ABCC4: variants seen among roughly 807,000 people sequenced by gnomAD.
ABCC4 encodes ATP binding cassette subfamily C member 4 (PEL blood group), also known as ATP-binding cassette sub-family C member 4.
A neutral mutation model predicts 168.5 loss-of-function variants in ABCC4; 102 were observed. The ratio of observed to expected loss-of-function variants is 0.61; its 90% CI spans 0.52 to 0.71. The LOEUF is 0.71. Among genes scored for constraint, ABCC4 ranks in the 30% least tolerant of loss-of-function variants. The probability of loss-of-function intolerance (pLI) is 0.00; values close to 1 mark genes in which losing one functional copy is unlikely to be tolerated. For synonymous variants in ABCC4, 617 were observed against 590.7 expected (o/e 1.04, Z -0.65); for missense variants, 1,402 against 1,605.8 (o/e 0.87, Z 2.17).
intron 1 of ABCC4, among the ~76,000 whole-genome samples, chr13:95,279,756 C>T (rs9524879): frequency 0.099 from 15,026 of 151,978 alleles, 888 homozygotes; most frequent in African/African-American, 0.14. Flanking sequence ...GGGTAGAAAA[C>T]AGAGACTGTC....
intron 1 of ABCC4, among the ~76,000 whole-genome samples, chr13:95,264,853 T>G (rs1283759524): frequency 4.8e-5 from 7 of 145,956 alleles, no homozygotes; most frequent in African/African-American, 1.5e-4. Flanking sequence ...GGGCCTCAGA[T>G]CTACAATCCA....
intron 27 of ABCC4, among the ~76,000 whole-genome samples, chr13:95,047,008 T>C (rs1414682280): frequency 6.6e-6 from 1 of 152,202 alleles, no homozygotes; most frequent in Non-Finnish European, 1.5e-5. Context: ...GAGGTACACA[T>C]ACATATTTAA....
Position 95,209,597 on chromosome 13 carries a change from C to T in ABCC4, c.622G>A (p.Val208Met). ...LSNDVNKFDQ[V>M]TVFLHFLWAG... The stretch of plus-strand genomic sequence containing the variant: ...CACAGGAAGTGTAAGAACACTGTCA[C>T]CTTTAAAGAAAAAGACAGAGCGTTC... The change falls in exon 6 of 31, where the codon GTG becomes ATG. Residue 208 changes from valine to methionine, a missense_variant and splice_region_variant. Around this residue, in one of 3 missense-constraint regions of ABCC4, gnomAD observed 317 missense variants for 345.5 expected, o/e 0.92. Transcript: ENST00000645237. The T allele has an allele frequency of 1.9e-6, 3 of 1,609,166 alleles. No homozygotes were observed. The highest frequency in any genetic ancestry group is 2.5e-6 in the Non-Finnish European group (3 of 1,177,678).
chr13:95,232,248 T>C (rs142935902), intron 4 of ABCC4, among the ~76,000 whole-genome samples: 20 of 152,184 alleles, frequency 1.3e-4, no homozygotes, highest in African/African-American at 4.8e-4. Context: ...TGTTATACTG[T>C]ACCATAGACA....
chr13:95,219,469 T>C (rs1303002687), intron 4 of ABCC4, among the ~76,000 whole-genome samples: 4 of 152,110 alleles, frequency 2.6e-5, no homozygotes, highest in Admixed American at 2.6e-4. Context: ...ATAAATGCAG[T>C]ATACCCCCAT....
chr13:95,159,640 T>A (rs2037022603), intron 19 of ABCC4, among the ~76,000 whole-genome samples: 1 of 152,164 alleles, frequency 6.6e-6, no homozygotes, highest in South Asian at 2.1e-4. Flanking sequence ...AGTTTCAAAT[T>A]AACTGGCAAA....
intron 1 of ABCC4, among the ~76,000 whole-genome samples, chr13:95,288,651 C>T (rs2041319646): frequency 6.6e-6 from 1 of 151,896 alleles, no homozygotes; most frequent in Admixed American, 6.6e-5. Flanking sequence ...ACTAAAAATA[C>T]AAAAATTAGC....
intron 13 of ABCC4, among the ~76,000 whole-genome samples, chr13:95,176,764 T>C (rs556556064): frequency 2.6e-5 from 4 of 152,272 alleles, no homozygotes; most frequent in South Asian, 4.2e-4. Context: ...AGGGTTACAA[T>C]GAGTGGGAAA....
intron 8 of ABCC4, among the ~76,000 whole-genome samples, chr13:95,195,608 C>T (rs1323139043): frequency 6.6e-6 from 1 of 152,088 alleles, no homozygotes; most frequent in Non-Finnish European, 1.5e-5. Context: ...ATTTTATAAG[C>T]TTCTTTTCAC....
At position 95,101,125 on chromosome 13, in the gene ABCC4, C is replaced by G. The variant is rs190963044; in HGVS notation, c.2535+14797G>C. On this transcript the variant is annotated intron_variant, in intron 20 of 30. Transcript: ENST00000645237. ...GCCCCTCATCCTGCCCTCCCACCCC[C>G]CTAGGGAAGAAATGACTGAGGACAC... 1.8e-4 allele frequency among the ~76,000 whole-genome samples: 28 copies of G among 152,288 alleles called. No individual in the cohort carries two copies. The East Asian group carries it at 3.1e-3, about 17-fold the overall frequency.
At chr13:95,119,533 A>T (rs1478464027) in intron 19 of ABCC4, among the ~76,000 whole-genome samples, 1 of 152,200 alleles carries the variant, frequency 6.6e-6, no homozygotes. Flanking sequence ...AATATTATAA[A>T]AGGTGTTAAT....
chr13:95,197,301 C>A (rs981217458), intron 8 of ABCC4, among the ~76,000 whole-genome samples: 3 of 152,166 alleles, frequency 2.0e-5, no homozygotes, highest in Non-Finnish European at 4.4e-5. Context: ...TCTTCTTAAC[C>A]TTGTCTAGAC....
rs1169487720 is a variant in ABCC4, at chr13:95,210,677, T to G, written c.621+15A>C. The G allele has an allele frequency of 5.6e-6, 9 of 1,610,256 alleles. No individual in the cohort carries two copies. Among genetic ancestry groups the G allele is most frequent in the Non-Finnish European group, 7.6e-6 (9 of 1,176,542 alleles). Reference sequence around the variant, plus strand: ...GTTTAATGCAATGAAAAAGGATCCCTGAGCTGCAGCTTACCTGATCAAACT... The same window carrying G: ...GTTTAATGCAATGAAAAAGGATCCCGGAGCTGCAGCTTACCTGATCAAACT... On this transcript the variant is annotated intron_variant, in intron 5 of 30. Coordinates refer to ENST00000645237, the MANE Select transcript of ABCC4 (RefSeq NM_005845.5).
intron 20 of ABCC4, among the ~76,000 whole-genome samples, chr13:95,086,281 T>C (rs143236415): frequency 1.6e-3 from 240 of 152,206 alleles, no homozygotes; most frequent in African/African-American, 5.6e-3. Flanking sequence ...ATTGTTTACA[T>C]CTAAAAGTCT....
intron 14 of ABCC4, among the ~76,000 whole-genome samples, chr13:95,167,980 C>G (rs1006598086): frequency 6.6e-6 from 1 of 152,132 alleles, no homozygotes; most frequent in Non-Finnish European, 1.5e-5. Flanking sequence ...GATTCTCCTG[C>G]CTCAGGCTCC....
chr13:95,182,301 G>C (rs760293453), intron 11 of ABCC4, among the ~76,000 whole-genome samples: 5 of 151,598 alleles, frequency 3.3e-5, no homozygotes, highest in Non-Finnish European at 7.4e-5. Flanking sequence ...AGTCAAGTGA[G>C]CTATATAGAA....
intron 1 of ABCC4, among the ~76,000 whole-genome samples, chr13:95,255,527 A>G (rs781109223): frequency 2.0e-5 from 3 of 152,182 alleles, no homozygotes; most frequent in Non-Finnish European, 4.4e-5. Context: ...GGTGTTCTCA[A>G]CATGGTCCCA....
At chr13:95,077,827 A>C (rs919219587) in intron 21 of ABCC4, among the ~76,000 whole-genome samples, 9 of 152,166 alleles carry the variant, frequency 5.9e-5, no homozygotes, top group Non-Finnish European at 8.8e-5. Flanking sequence ...CCCACTGTAC[A>C]CACAGACACT....
rs1198013326 is a variant in ABCC4 at position 95,062,556 on chromosome 13, T to C, written c.3366+148A>G. 5 of 699,016 alleles carry C rather than the reference T, an allele frequency of 7.2e-6. No individual in the cohort carries two copies. In the Admixed American group the frequency reaches 1.3e-4, roughly 18 times the overall value. 43.3% of individuals were successfully genotyped at this position (699,016 alleles called of 1,614,324 possible). A position where few individuals can be genotyped will look rare whatever the true frequency, so the allele number is the denominator to read the frequency against. On this transcript the variant is annotated intron_variant, in intron 26 of 30. Transcript: ENST00000645237. ...GCTGGATATCTGATGAAAATACCTG[T>C]TGAAAATATCTGCTCATAAAAACAT...
Sources: allele counts gnomAD v4.1 joint callset (sites outside exome capture counted in the v4.1 genomes callset), GRCh38; gene constraint gnomAD v4.1.1; regional missense constraint gnomAD v4.1.1; transcripts MANE v1.5; gene names NCBI Gene and HGNC (gene_info 2026-07-23, HGNC 2026-07-21).